Variants in RUNDC3B observed in about 807,000 individuals in gnomAD.
RUNDC3B encodes RUN domain-containing protein 3B.
RUNDC3B carries 33 observed loss-of-function variants against 58.4 expected under a neutral mutation model. That is an observed-to-expected ratio of 0.56 (90% CI 0.43 to 0.75). The LOEUF (loss-of-function observed/expected upper bound fraction) is 0.75, where lower values mean the gene tolerates loss of function less well. Ranked by LOEUF, RUNDC3B falls within the 30% of genes least tolerant of loss-of-function variation. The pLI, the probability that RUNDC3B is intolerant of heterozygous loss-of-function variation, is 0.00. For missense variants in RUNDC3B, 501 were observed against 535.7 expected (o/e 0.94, Z 0.64); for synonymous variants, 193 against 195.2 (o/e 0.99, Z 0.10).
At chr7:87,766,266 T>C (rs1350545260) in intron 6 of RUNDC3B, among the ~76,000 whole-genome samples, 2 of 152,186 alleles carry the variant, frequency 1.3e-5, no homozygotes, top group Admixed American at 6.5e-5. Context: ...TGAGGCCATG[T>C]GAGGTTCTGT....
At chr7:87,658,742 A>G (rs1315649632) in intron 2 of RUNDC3B, among the ~76,000 whole-genome samples, 10 of 152,354 alleles carry the variant, frequency 6.6e-5, no homozygotes, top group Admixed American at 2.6e-4. Context: ...GTGCTGAAAG[A>G]TAACTGTCAA....
chr7:87,728,798 T>TA (rs1179070521), intron 4 of RUNDC3B, among the ~76,000 whole-genome samples: 2 of 152,200 alleles, frequency 1.3e-5, no homozygotes, highest in Admixed American at 1.3e-4. Context: ...CTTTTCTACC[T>TA]AAAAAATTGG....
At chr7:87,801,776 AT>A (rs1157573779) in intron 8 of RUNDC3B, among the ~76,000 whole-genome samples, 2 of 152,106 alleles carry the variant, frequency 1.3e-5, no homozygotes, top group African/African-American at 4.8e-5. Flanking sequence ...AAAAATTAAT[AT>A]TTCTGTAAAA....
In RUNDC3B at chr7:87,770,762, T is replaced by G; in HGVS notation, c.798+13T>G. 6.4e-7 allele frequency: 1 copy of G among 1,571,556 alleles called. No homozygotes were observed. ...CCTGGAACAGAAGGTATTTTAAAATTATCAAAACGTACTTAATTTTATTCT... is the reference window on the plus strand; with the variant it reads ...CCTGGAACAGAAGGTATTTTAAAATGATCAAAACGTACTTAATTTTATTCT... On this transcript the variant is annotated intron_variant, in intron 7 of 10. Coordinates refer to ENST00000394654, the MANE Select transcript of RUNDC3B (RefSeq NM_001134405.2).
At chr7:87,789,978 G>A (rs1315452093) in intron 8 of RUNDC3B, among the ~76,000 whole-genome samples, 4 of 152,196 alleles carry the variant, frequency 2.6e-5, no homozygotes, top group Admixed American at 6.5e-5. Flanking sequence ...AAGGACACAA[G>A]CCTGGCTGGC....
intron 8 of RUNDC3B, among the ~76,000 whole-genome samples, chr7:87,798,352 G>A (rs1293213249): frequency 6.6e-6 from 1 of 152,042 alleles, no homozygotes; most frequent in Non-Finnish European, 1.5e-5. Context: ...CTCCCCATAG[G>A]TCACCCATTT....
chr7:87,766,610 T>G (rs150723040), intron 6 of RUNDC3B, among the ~76,000 whole-genome samples: 1 of 152,288 alleles, frequency 6.6e-6, no homozygotes, highest in African/African-American at 2.4e-5. Flanking sequence ...CTGAGAAGTC[T>G]GTTGTTAATC....
chr7:87,701,335 T>C (rs1428464998), intron 3 of RUNDC3B, among the ~76,000 whole-genome samples: 2 of 152,244 alleles, frequency 1.3e-5, no homozygotes, highest in African/African-American at 2.4e-5. Context: ...AATGGTGAAA[T>C]TAAAGCTTTT....
chr7:87,722,233 A>G (rs1417106480), intron 4 of RUNDC3B, among the ~76,000 whole-genome samples: 1 of 151,988 alleles, frequency 6.6e-6, no homozygotes, highest in Non-Finnish European at 1.5e-5. Context: ...CTACTTTTTC[A>G]GTAATTTTGA....
At chr7:87,804,283 A>T (rs968279134) in intron 8 of RUNDC3B, among the ~76,000 whole-genome samples, 2 of 152,164 alleles carry the variant, frequency 1.3e-5, no homozygotes, top group Non-Finnish European at 2.9e-5. Context: ...TGAGTTTTAA[A>T]TATTTTTCCC....
chr7:87,726,215 G>A (rs866005526), intron 4 of RUNDC3B, among the ~76,000 whole-genome samples: 41 of 152,210 alleles, frequency 2.7e-4, no homozygotes, highest in African/African-American at 8.7e-4. Context: ...TAGGGTTTTT[G>A]TGGTTTTAGG....
chr7:87,752,188 T>C (rs1296678469), intron 6 of RUNDC3B, among the ~76,000 whole-genome samples: 4 of 152,186 alleles, frequency 2.6e-5, no homozygotes, highest in Admixed American at 6.6e-5. Context: ...TATTGATTTG[T>C]GTATATGGAA....
At chr7:87,806,868 T>C (rs1457361176) in intron 8 of RUNDC3B, among the ~76,000 whole-genome samples, 1 of 152,140 alleles carries the variant, frequency 6.6e-6, no homozygotes, top group Non-Finnish European at 1.5e-5. Context: ...AAAAAATAGT[T>C]ATGAGAATCT....
intron 3 of RUNDC3B, among the ~76,000 whole-genome samples, chr7:87,708,508 T>C (rs758466125): frequency 2.4e-4 from 37 of 152,202 alleles, no homozygotes; most frequent in Non-Finnish European, 5.0e-4. Context: ...TAGTTAAAAA[T>C]CATCCCATTG....
intron 1 of RUNDC3B, 24 bp from the exon 2 acceptor site, chr7:87,650,798 G>T: frequency 6.9e-7 from 1 of 1,446,162 alleles, no homozygotes; most frequent in South Asian, 1.1e-5. Flanking sequence ...CTGCCTAAAA[G>T]CAACAATAAT....
At chr7:87,689,469 A>G (rs952109586) in intron 2 of RUNDC3B, among the ~76,000 whole-genome samples, 1 of 152,096 alleles carries the variant, frequency 6.6e-6, no homozygotes, top group Non-Finnish European at 1.5e-5. Flanking sequence ...TTGCTACATA[A>G]TTCAACAATT....
At chr7:87,806,298 G>A (rs1014418151) in intron 8 of RUNDC3B, among the ~76,000 whole-genome samples, 2 of 152,142 alleles carry the variant, frequency 1.3e-5, no homozygotes, top group African/African-American at 4.8e-5. Flanking sequence ...AAACAGCCAG[G>A]GGTGGCATGC....
At position 87,739,899 on chromosome 7, in the gene RUNDC3B, T is replaced by C; in HGVS notation, c.548+19T>C. 7.8e-7 allele frequency: 1 copy of C among 1,280,596 alleles called. No individual in the cohort carries two copies. Among genetic ancestry groups the C allele is most frequent in the African/African-American group, 1.5e-5 (1 of 68,186 alleles). The allele number at this position is 1,280,596 out of a possible 1,614,324, so 79.3% of individuals were successfully genotyped here. A position where few individuals can be genotyped will look rare whatever the true frequency, so the allele number is the denominator to read the frequency against. ...ATTTCAGGTACTTAACCAAATGCATTCAGTTTTTAAATTATTCTATATCTT... is the reference window on the plus strand; with the variant it reads ...ATTTCAGGTACTTAACCAAATGCATCCAGTTTTTAAATTATTCTATATCTT... On this transcript the variant is annotated intron_variant, in intron 5 of 10. Coordinates refer to ENST00000394654, the MANE Select transcript of RUNDC3B (RefSeq NM_001134405.2).
At chr7:87,662,257 G>A (rs952929778) in intron 2 of RUNDC3B, among the ~76,000 whole-genome samples, 13 of 152,156 alleles carry the variant, frequency 8.5e-5, no homozygotes, top group Admixed American at 7.2e-4. Context: ...TTAACTTGAT[G>A]TGATCTCACT....
Sources: allele counts gnomAD v4.1 joint callset (sites outside exome capture counted in the v4.1 genomes callset), GRCh38; gene constraint gnomAD v4.1.1; transcripts MANE v1.5; gene names NCBI Gene and HGNC (gene_info 2026-07-23, HGNC 2026-07-21).